The following DIAPH1 variants were observed in gnomAD, a reference collection of about 807,000 sequenced individuals.
The protein encoded by DIAPH1 is diaphanous related formin 1, also known as protein diaphanous homolog 1.
In DIAPH1, 46 loss-of-function variants were observed where a neutral mutation model predicts 140.7. That is an observed-to-expected ratio of 0.33 (90% CI 0.26 to 0.42). DIAPH1 has a LOEUF of 0.42. Ranked by LOEUF, DIAPH1 falls within the 10% of genes least tolerant of loss-of-function variation. The pLI is 1.00. For missense variants in DIAPH1, 1,310 were observed against 1,558.7 expected (o/e 0.84, Z 2.69); for synonymous variants, 565 against 551.6 (o/e 1.02, Z -0.34).
chr5:141,567,033 G>A (rs1324286346), intron 18 of DIAPH1, among the ~76,000 whole-genome samples: 3 of 152,170 alleles, frequency 2.0e-5, no homozygotes, highest in Non-Finnish European at 4.4e-5. Context: ...AATTCCAGAG[G>A]GTACAGTGGA....
intron 18 of DIAPH1, among the ~76,000 whole-genome samples, chr5:141,568,944 G>A (rs1190278910): frequency 6.6e-6 from 1 of 151,304 alleles, no homozygotes; most frequent in Non-Finnish European, 1.5e-5. Context: ...TCTTCAACTG[G>A]ATTAGTTTTG....
At chr5:141,589,568 C>A (rs1410508183) in intron 1 of DIAPH1, among the ~76,000 whole-genome samples, 1 of 125,132 alleles carries the variant, frequency 8.0e-6, no homozygotes, top group Non-Finnish European at 1.6e-5. Flanking sequence ...ACATGTAACA[C>A]TGTATTATTT....
intron 1 of DIAPH1, among the ~76,000 whole-genome samples, chr5:141,589,461 G>A (rs568375987): frequency 4.6e-5 from 7 of 152,064 alleles, no homozygotes; most frequent in Non-Finnish European, 7.4e-5. Flanking sequence ...CTGGTATATT[G>A]GTACAAGGAA....
chr5:141,537,817 C>T (rs1053453050), intron 18 of DIAPH1, among the ~76,000 whole-genome samples: 7 of 152,042 alleles, frequency 4.6e-5, no homozygotes, highest in Non-Finnish European at 8.8e-5. Context: ...TATTGTAATA[C>T]CTACAACAAC....
chr5:141,583,520 C>A lies in DIAPH1; in HGVS notation c.498G>T (p.Glu166Asp). The A allele has an allele frequency of 6.2e-7, 1 of 1,614,154 alleles. No individual in the cohort carries two copies. The highest frequency in any genetic ancestry group is 8.5e-7 in the Non-Finnish European group (1 of 1,180,022). ...LRDMPLLSCLESLRVSLNNNP... is the reference protein window; with the variant it reads ...LRDMPLLSCLDSLRVSLNNNP... The stretch of plus-strand genomic sequence containing the variant: ...TGTTGTTGAGAGACACACGAAGGGA[C>A]TCCAGGCAGCTGAGCAGAGGCATAT... The change falls in exon 5 of 28, where the codon GAG becomes GAT. Residue 166 changes from glutamate to aspartate, a missense_variant. By Grantham distance (45) the Glu-to-Asp change is conservative. Transcript: ENST00000389054.
chr5:141,618,680 GAGGA>G (rs2099903101), intron 1 of DIAPH1, 114 bp downstream of exon 1: 6 of 663,242 alleles, frequency 9.0e-6, no homozygotes, highest in East Asian at 7.0e-5. Flanking sequence ...CGAGCGAAAC[GAGGA>G]AGGAAGGCGC....
chr5:141,609,977 A>C (rs1324152090), intron 1 of DIAPH1, among the ~76,000 whole-genome samples: 1 of 152,236 alleles, frequency 6.6e-6, no homozygotes, highest in Non-Finnish European at 1.5e-5. Flanking sequence ...AGGGAAATTT[A>C]AAAGCTAAAT....
At chr5:141,561,117 C>G (rs1164611019) in intron 18 of DIAPH1, among the ~76,000 whole-genome samples, 1 of 152,006 alleles carries the variant, frequency 6.6e-6, no homozygotes, top group African/African-American at 2.4e-5. Flanking sequence ...ACGGGAAATT[C>G]TTGGGAAGGA....
chr5:141,580,564 C>T (rs780191031), intron 8 of DIAPH1, among the ~76,000 whole-genome samples, 180 bp downstream of exon 8: 1 of 152,134 alleles, frequency 6.6e-6, no homozygotes, highest in Non-Finnish European at 1.5e-5. Context: ...TTCAGGATAG[C>T]ACCCATCACT....
At chr5:141,530,515 G>A (rs2099888046) in intron 19 of DIAPH1, among the ~76,000 whole-genome samples, 1 of 152,126 alleles carries the variant, frequency 6.6e-6, no homozygotes, top group African/African-American at 2.4e-5. Flanking sequence ...ATTTGCAGTA[G>A]CACCAATGAT....
chr5:141,578,717 A>C, intron 9 of DIAPH1, 92 bp from the exon 10 acceptor site: 1 of 933,932 alleles, frequency 1.1e-6, no homozygotes. Context: ...TCCCCAATAC[A>C]ACCTGAAAGA....
chr5:141,576,657 G>T, intron 13 of DIAPH1, 99 bp downstream of exon 13: 1 of 855,508 alleles, frequency 1.2e-6, no homozygotes, highest in Non-Finnish European at 2.0e-6. Context: ...ACTATCTGGG[G>T]ACTGGAAAGG....
chr5:141,531,299 T>TTC (rs543349611), intron 19 of DIAPH1, among the ~76,000 whole-genome samples: 20 of 151,274 alleles, frequency 1.3e-4, no homozygotes, highest in South Asian at 4.2e-4. Context: ...TAATTTTACC[T>TTC]TCTCTCTCTC....
At chr5:141,601,795 G>A (rs2099900179) in intron 1 of DIAPH1, among the ~76,000 whole-genome samples, 1 of 152,178 alleles carries the variant, frequency 6.6e-6, no homozygotes, top group African/African-American at 2.4e-5. Flanking sequence ...ATTGAGAAAA[G>A]TAAGGAAAAG....
intron 1 of DIAPH1, among the ~76,000 whole-genome samples, chr5:141,616,138 G>A (rs1044944292): frequency 3.3e-5 from 5 of 152,230 alleles, no homozygotes; most frequent in Non-Finnish European, 4.4e-5. Context: ...CTGTCAGCAC[G>A]TCTAACAATC....
At chr5:141,614,094 A>G (rs2099902266) in intron 1 of DIAPH1, among the ~76,000 whole-genome samples, 1 of 152,226 alleles carries the variant, frequency 6.6e-6, no homozygotes, top group African/African-American at 2.4e-5. Context: ...AAACAAAGGT[A>G]ATTGAGAAAA....
chr5:141,604,971 T>C (rs1251357333), intron 1 of DIAPH1, among the ~76,000 whole-genome samples: 1 of 152,220 alleles, frequency 6.6e-6, no homozygotes, highest in African/African-American at 2.4e-5. Flanking sequence ...CTGATACTTC[T>C]AGCAATTGTA....
chr5:141,518,688 A>T, intron 27 of DIAPH1: 1 of 505,360 alleles, frequency 2.0e-6, no homozygotes. Flanking sequence ...ATATCTGGCT[A>T]TTTTTGTATT....
chr5:141,575,252 T>C (rs1392140396), intron 14 of DIAPH1, 106 bp from the exon 15 acceptor site: 1 of 1,150,284 alleles, frequency 8.7e-7, no homozygotes. Flanking sequence ...CTGGGGGTGC[T>C]GGAATCCCCC....
Sources: allele counts gnomAD v4.1 joint callset (sites outside exome capture counted in the v4.1 genomes callset), GRCh38; gene constraint gnomAD v4.1.1; transcripts MANE v1.5; gene names NCBI Gene and HGNC (gene_info 2026-07-23, HGNC 2026-07-21).